The following ALDH4A1 variants were observed in gnomAD, a reference collection of about 807,000 sequenced individuals.
ALDH4A1 encodes delta-1-pyrroline-5-carboxylate dehydrogenase, mitochondrial.
ALDH4A1 carries 46 observed loss-of-function variants against 70.5 expected under a neutral mutation model. The ratio of observed to expected loss-of-function variants is 0.65; its 90% CI spans 0.51 to 0.83. ALDH4A1 has a LOEUF of 0.83. Ranked by LOEUF, ALDH4A1 falls within the 40% of genes least tolerant of loss-of-function variation. The pLI is 0.00. For missense variants in ALDH4A1, 749 were observed against 766.5 expected, an observed-to-expected ratio of 0.98 and a Z score of 0.27; for synonymous variants, 323 against 324.3, an observed-to-expected ratio of 1.00 and a Z score of 0.04.
At chr1:18,886,339 A>G in intron 4 of ALDH4A1, 125 bp downstream of exon 4, 1 of 1,095,402 alleles carries the variant, frequency 9.1e-7, no homozygotes, top group Non-Finnish European at 1.4e-6. Flanking sequence ...CTGCCCACCT[A>G]CCCACCATGG....
At chr1:18,896,916 A>C (rs949472434) in intron 1 of ALDH4A1, among the ~76,000 whole-genome samples, 1 of 151,562 alleles carries the variant, frequency 6.6e-6, no homozygotes. Flanking sequence ...AGAAAGAAAG[A>C]CCCAATGCCA....
At position 18,877,540 on chromosome 1, in the gene ALDH4A1, C is replaced by T; in HGVS notation, c.1013G>A (p.Arg338His). 7.4e-6 allele frequency: 12 copies of T among 1,611,806 alleles called. No homozygotes were observed. The highest frequency in any genetic ancestry group is 1.0e-5 in the Non-Finnish European group (12 of 1,179,396). Reference sequence around the variant, plus strand: ...CTGGCCACCGTACTCGAAGGCTGAGCGGAGGGTCCCGCTCACCACGCTCTC... The same window carrying T: ...CTGGCCACCGTACTCGAAGGCTGAGTGGAGGGTCCCGCTCACCACGCTCTC... Reference protein sequence around the residue: ...DVESVVSGTLRSAFEYGGQKC... With the variant: ...DVESVVSGTLHSAFEYGGQKC... The change falls in exon 10 of 15, where the codon CGC (arginine) becomes CAC (histidine). Residue 338 changes from arginine (R) to histidine (H), a missense_variant. Physicochemically the swap from Arg to His is conservative, Grantham distance 29 (BLOSUM62 0). Transcript: ENST00000375341.
chr1:18,876,422 G>A lies in ALDH4A1; in HGVS notation c.1231C>T (p.Pro411Ser), dbSNP rs552705007. Residue 411 changes from proline (P) to serine (S), a missense_variant, in exon 12 of 15, where the codon CCC becomes TCC. Coordinates refer to ENST00000375341, the MANE Select transcript of ALDH4A1 (RefSeq NM_003748.4). Reference protein sequence around the residue: ...KKWLEHARSSPSLTILAGGKC... With the variant: ...KKWLEHARSSSSLTILAGGKC... ...CCCCCGGCCAGGATGGTGAGGCTGG[G>A]TGAGGAGCGTGCGTGCTCCAGCCAC... 7.5e-6 allele frequency: 12 copies of A among 1,610,736 alleles called. No individual in the cohort carries two copies. The highest frequency in any genetic ancestry group is 1.0e-5 in the Non-Finnish European group (12 of 1,178,926).
At chr1:18,889,980 C>A (rs2100593241) in intron 2 of ALDH4A1, 32 bp downstream of exon 2, 1 of 1,542,456 alleles carries the variant, frequency 6.5e-7, no homozygotes, top group Non-Finnish European at 8.8e-7. Flanking sequence ...CCATGCCCTG[C>A]ACCTCTCGGG....
At chr1:18,897,412 G>T (rs151008209) in intron 1 of ALDH4A1, among the ~76,000 whole-genome samples, 1 of 152,154 alleles carries the variant, frequency 6.6e-6, no homozygotes, top group Non-Finnish European at 1.5e-5. Context: ...ACGTGGTGGC[G>T]TGTGCCTGTA....
At chr1:18,894,842 C>T (rs972805913) in intron 1 of ALDH4A1, among the ~76,000 whole-genome samples, 4 of 147,914 alleles carry the variant, frequency 2.7e-5, no homozygotes, top group Admixed American at 2.7e-4. Flanking sequence ...CCCATCAGTG[C>T]TTTCTTTTTT....
chr1:18,881,901 G>A lies in ALDH4A1; in HGVS notation c.679-14C>T. On this transcript the variant is annotated splice_polypyrimidine_tract_variant and intron_variant, in intron 7 of 14. Transcript: ENST00000375341. ...GACCACGTTGCCCTGCCCGGGAGGTGTTTCAGTGATGCATGAGGATGGCGC... is the reference window on the plus strand; with the variant it reads ...GACCACGTTGCCCTGCCCGGGAGGTATTTCAGTGATGCATGAGGATGGCGC... 2 of 1,611,734 alleles carry A rather than the reference G, an allele frequency of 1.2e-6. No individual in the cohort carries two copies. Among genetic ancestry groups the A allele is most frequent in the Non-Finnish European group, 1.7e-6 (2 of 1,179,636 alleles).
At chr1:18,897,225 C>T (rs1935650893) in intron 1 of ALDH4A1, 1 of 421,786 alleles carries the variant, frequency 2.4e-6, no homozygotes, top group Non-Finnish European at 4.9e-6. Context: ...GCAAATTCTC[C>T]AAAATCCAAG....
rs1366249926 is a variant in ALDH4A1, at chr1:18,883,425, T to TGC, written c.456_457insGC (p.Lys153AlafsTer4). 1 of 1,613,222 alleles carries TGC rather than the reference T, an allele frequency of 6.2e-7. No homozygotes were observed. Among genetic ancestry groups the TGC allele is most frequent in the Non-Finnish European group, 8.5e-7 (1 of 1,180,046 alleles). On this transcript the variant is annotated frameshift_variant, in exon 6 of 15. Coordinates refer to ENST00000375341, the MANE Select transcript of ALDH4A1 (RefSeq NM_003748.4). LOFTEE classifies it high-confidence loss of function. ...TCAATCTCCGCTTGGATCACGGTCT[T>TGC]ACCCTGCAAGGCAGAGGGCCGGGGG... is the stretch of plus-strand genomic sequence containing the variant.
intron 2 of ALDH4A1, 88 bp downstream of exon 2, chr1:18,889,924 G>A (rs1030261614): frequency 5.2e-6 from 6 of 1,147,498 alleles, no homozygotes; most frequent in African/African-American, 1.5e-5. Flanking sequence ...GGTGATGGCT[G>A]CAGGCACGGG....
In ALDH4A1 at chr1:18,902,553, A is replaced by C. The variant is rs757028627; in HGVS notation, c.-30T>G. 102 of 1,472,086 alleles carry C rather than the reference A, an allele frequency of 6.9e-5. No homozygotes were observed. In the African/African-American group the frequency reaches 1.3e-3, roughly 19 times the overall value. The allele number at this position is 1,472,086 out of a possible 1,614,324, so 91.2% of individuals were successfully genotyped here. On this transcript the variant is annotated 5_prime_UTR_variant, in exon 1 of 15. Coordinates refer to ENST00000375341, the MANE Select transcript of ALDH4A1 (RefSeq NM_003748.4). Reference sequence around the variant, plus strand: ...GGTTAGAAGCGGGGCTGTTCGCTGGATCGTCCGCCCGGGCGCGGCGAGAAT... The same window carrying C: ...GGTTAGAAGCGGGGCTGTTCGCTGGCTCGTCCGCCCGGGCGCGGCGAGAAT...
intron 3 of ALDH4A1, among the ~76,000 whole-genome samples, chr1:18,886,850 G>A (rs1935223520): frequency 6.6e-6 from 1 of 152,190 alleles, no homozygotes; most frequent in South Asian, 2.1e-4. Flanking sequence ...CCTACTAGCT[G>A]TGGGGCCCCA....
At chr1:18,894,921 C>T (rs1052196971) in intron 1 of ALDH4A1, among the ~76,000 whole-genome samples, 7 of 142,376 alleles carry the variant, frequency 4.9e-5, no homozygotes, top group African/African-American at 1.9e-4. Flanking sequence ...CAGGAGTATC[C>T]ATCCACTGGC....
chr1:18,890,011 C>T lies in ALDH4A1; in HGVS notation c.156+1G>A. The T allele has an allele frequency of 6.2e-7, 1 of 1,605,270 alleles. No homozygotes were observed. Reference sequence around the variant, plus strand: ...TCGGGTGCCTCCCACCCTCCCATTACCTTTTGCAGGGCATCTCGCTCAGGG... The same window carrying T: ...TCGGGTGCCTCCCACCCTCCCATTATCTTTTGCAGGGCATCTCGCTCAGGG... On this transcript the variant is annotated splice_donor_variant, in intron 2 of 14. Coordinates refer to ENST00000375341, the MANE Select transcript of ALDH4A1 (RefSeq NM_003748.4). LOFTEE classifies it high-confidence loss of function.
chr1:18,898,889 T>G lies in ALDH4A1; in HGVS notation c.62+3573A>C, dbSNP rs143061109. On this transcript the variant is annotated intron_variant, in intron 1 of 14. Coordinates refer to ENST00000375341, the MANE Select transcript of ALDH4A1 (RefSeq NM_003748.4). This position sits in a 1 kb window ranked among gnomAD's most constrained non-coding sequence, Gnocchi z 4.3. ...CGCTTTCACTACTTTAGAAGTGTGA[T>G]GATAATCACAGGTTTTAATTATTCT... Among the ~76,000 whole-genome samples the G allele has an allele frequency of 2.0e-5, 3 of 152,230 alleles. No individual in the cohort carries two copies. The highest frequency in any genetic ancestry group is 6.5e-5 in the Admixed American group (1 of 15,284).
intron 12 of ALDH4A1, among the ~76,000 whole-genome samples, chr1:18,875,803 C>A (rs904528735): frequency 6.6e-6 from 1 of 152,200 alleles, no homozygotes; most frequent in African/African-American, 2.4e-5. Context: ...AGGCTTCCAG[C>A]AGCAGCTGGC....
Position 18,874,512 on chromosome 1 carries a change from G to A in ALDH4A1, c.1530C>T (p.Ser510=). The change falls in exon 14 of 15, where the codon TCC becomes TCT. Residue 510 remains serine (S), a synonymous_variant. Transcript: ENST00000375341. ...AAGNFYINDK[S]TGSIVGQQPF... Reference sequence around the variant, plus strand: ...GCTGCTGGCCCACTATCGAGCCAGTGGACTTGTCGTTGATGTAGAAGTTGC... The same window carrying A: ...GCTGCTGGCCCACTATCGAGCCAGTAGACTTGTCGTTGATGTAGAAGTTGC... 1 of 1,614,200 alleles carries A rather than the reference G, an allele frequency of 6.2e-7. No individual in the cohort carries two copies. The highest frequency in any genetic ancestry group is 1.1e-5 in the South Asian group (1 of 91,088).
intron 8 of ALDH4A1, among the ~76,000 whole-genome samples, chr1:18,881,003 G>A (rs763054013): frequency 1.5e-4 from 23 of 152,102 alleles, no homozygotes; most frequent in Non-Finnish European, 2.4e-4. Context: ...CCTCCAGCCT[G>A]AGAGCCGGGA....
Position 18,879,381 on chromosome 1 carries a change from C to A in ALDH4A1, c.867-8G>T. On this transcript the variant is annotated splice_polypyrimidine_tract_variant and splice_region_variant and intron_variant, in intron 8 of 14. Coordinates refer to ENST00000375341, the MANE Select transcript of ALDH4A1 (RefSeq NM_003748.4). Reference sequence around the variant, plus strand: ...CACAGGTGTTTGAAGGTGCTGGAACCACAGGAGAAAGGGTGGGGTTCAGGG... The same window carrying A: ...CACAGGTGTTTGAAGGTGCTGGAACAACAGGAGAAAGGGTGGGGTTCAGGG... 1 of 1,609,242 alleles carries A rather than the reference C, an allele frequency of 6.2e-7. No homozygotes were observed. The highest frequency in any genetic ancestry group is 1.7e-5 in the Admixed American group (1 of 59,326).
Sources: gnomAD v4.1 joint callset for allele counts (sites outside exome capture counted in the v4.1 genomes callset) on GRCh38, gnomAD v4.1.1 for gene constraint, Gnocchi (gnomAD v3.1) non-coding constraint, MANE v1.5 for transcripts, NCBI Gene and HGNC (gene_info 2026-07-23, HGNC 2026-07-21) for gene names.